RNF13: variants seen among roughly 807,000 people sequenced by gnomAD.
RNF13 encodes the protein ring finger protein 13.
RNF13 carries 19 observed loss-of-function variants against 37.7 expected under a neutral mutation model. The ratio of observed to expected loss-of-function variants is 0.50; its 90% confidence interval spans 0.35 to 0.74. The LOEUF (loss-of-function observed/expected upper bound fraction) is 0.74. RNF13 is among the 30% of genes least tolerant of loss of function. RNF13 has a pLI of 0.01. For synonymous variants in RNF13, 144 were observed against 157.8 expected, an observed-to-expected ratio of 0.91 and a Z score of 0.65; for missense variants, 375 against 453.0, an observed-to-expected ratio of 0.83 and a Z score of 1.56.
At chr3:149,886,779 C>T (rs1367191786) in intron 4 of RNF13, among the ~76,000 whole-genome samples, 1 of 152,154 alleles carries the variant, frequency 6.6e-6, no homozygotes, top group East Asian at 1.9e-4. Context: ...TATTTCTGTT[C>T]GTTGAGTACT....
intron 8 of RNF13, among the ~76,000 whole-genome samples, chr3:149,938,465 G>A (rs1044880113): frequency 2.0e-5 from 3 of 151,024 alleles, no homozygotes; most frequent in African/African-American, 7.3e-5. Context: ...GAGCCACCGT[G>A]CCTGGCCATA....
At chr3:149,906,368 G>A (rs950917867) in intron 6 of RNF13, among the ~76,000 whole-genome samples, 2 of 151,856 alleles carry the variant, frequency 1.3e-5, no homozygotes, top group African/African-American at 2.4e-5. Flanking sequence ...TGGAATTGTT[G>A]CATTATGTGG....
chr3:149,865,990 T>A (rs1037087178), intron 3 of RNF13, among the ~76,000 whole-genome samples: 3 of 152,150 alleles, frequency 2.0e-5, no homozygotes, highest in Middle Eastern at 3.2e-3. Flanking sequence ...GGTTGGCCAT[T>A]TTTATGATTA....
intron 8 of RNF13, among the ~76,000 whole-genome samples, chr3:149,935,544 C>T (rs1297773302): frequency 6.6e-6 from 1 of 151,574 alleles, no homozygotes; most frequent in Non-Finnish European, 1.5e-5. Flanking sequence ...TTTAGTGTTA[C>T]CTATTATAGG....
At chr3:149,946,815 C>T (rs1348244827) in intron 8 of RNF13, among the ~76,000 whole-genome samples, 2 of 152,116 alleles carry the variant, frequency 1.3e-5, no homozygotes, top group African/African-American at 4.8e-5. Context: ...TTTGTCTCTG[C>T]TGTAAGCTAG....
At position 149,852,520 on chromosome 3, in the gene RNF13, A is replaced by C; in HGVS notation, c.119A>C (p.Asn40Thr). 4 of 1,508,228 alleles carry C rather than the reference A, an allele frequency of 2.7e-6. No individual in the cohort carries two copies. The highest frequency in any genetic ancestry group is 3.6e-6 in the Non-Finnish European group (4 of 1,111,160). 93.4% of individuals were successfully genotyped at this position (1,508,228 alleles called of 1,614,324 possible). ...LPVEADILAY[N>T]FENASQTFDD... ...TATTTAAAATTTTATTTTTAGTATA[A>C]CTTTGAAAATGCATCTCAGACATTT... The change falls in exon 3 of 10, where the codon AAC becomes ACC. Residue 40 changes from asparagine (N) to threonine (T), a missense_variant. Physicochemically the swap from Asn to Thr is moderately conservative, Grantham distance 65. Coordinates refer to ENST00000392894, the MANE Select transcript of RNF13 (RefSeq NM_183381.3).
chr3:149,959,594 C>T (rs1485093108), intron 8 of RNF13, among the ~76,000 whole-genome samples: 2 of 152,208 alleles, frequency 1.3e-5, no homozygotes, highest in East Asian at 3.8e-4. Context: ...CCAAGCACCA[C>T]AGAATTTGGT....
intron 1 of RNF13, among the ~76,000 whole-genome samples, chr3:149,842,467 T>C (rs1415529147): frequency 6.6e-6 from 1 of 152,224 alleles, no homozygotes; most frequent in African/African-American, 2.4e-5. Flanking sequence ...TGGTCCTTCT[T>C]TTAGAGATAA....
chr3:149,916,964 A>G (rs555931297), intron 7 of RNF13, among the ~76,000 whole-genome samples: 1 of 152,288 alleles, frequency 6.6e-6, no homozygotes, highest in East Asian at 1.9e-4. Context: ...ACTTTTGATA[A>G]GGAAAATTCT....
At chr3:149,923,987 A>T (rs1186468991) in intron 8 of RNF13, among the ~76,000 whole-genome samples, 1 of 152,160 alleles carries the variant, frequency 6.6e-6, no homozygotes, top group African/African-American at 2.4e-5. Context: ...GAGAACAGAC[A>T]GGAAAGTTAT....
At chr3:149,888,890 T>A (rs1050784041) in intron 4 of RNF13, among the ~76,000 whole-genome samples, 1 of 152,182 alleles carries the variant, frequency 6.6e-6, no homozygotes, top group Non-Finnish European at 1.5e-5. Flanking sequence ...AATGTAACAA[T>A]GTGAATAGAT....
Position 149,957,222 on chromosome 3 carries a change from A to G in RNF13, c.701-2834A>G, listed in dbSNP as rs569475249. ...TATGAATCCACTGGCTGGATTTCCAAATTGCCATGGTACATGAAGCATTTT... is the reference window on the plus strand; with the variant it reads ...TATGAATCCACTGGCTGGATTTCCAGATTGCCATGGTACATGAAGCATTTT... On this transcript the variant is annotated intron_variant, in intron 8 of 9. Coordinates refer to ENST00000392894, the MANE Select transcript of RNF13 (RefSeq NM_183381.3). Among the ~76,000 whole-genome samples the G allele has an allele frequency of 3.6e-4, 55 of 152,278 alleles. 1 individual carries two copies. Among genetic ancestry groups the G allele is most frequent in the African/African-American group, 1.3e-3 (55 of 41,548 alleles).
intron 4 of RNF13, among the ~76,000 whole-genome samples, chr3:149,879,933 G>T (rs1175314276): frequency 6.6e-6 from 1 of 152,124 alleles, no homozygotes; most frequent in Non-Finnish European, 1.5e-5. Flanking sequence ...AAAACCCATG[G>T]ATATGTCTTT....
intron 3 of RNF13, among the ~76,000 whole-genome samples, chr3:149,861,083 G>A (rs1283971466): frequency 6.6e-6 from 1 of 151,992 alleles, no homozygotes; most frequent in African/African-American, 2.4e-5. Flanking sequence ...CAGTTAGGCT[G>A]ACTATCATTA....
chr3:149,827,440 G>A (rs552194244), intron 1 of RNF13, among the ~76,000 whole-genome samples: 74 of 152,046 alleles, frequency 4.9e-4, no homozygotes, highest in Non-Finnish European at 6.6e-4. Flanking sequence ...TTAATGTTAC[G>A]GTCTTAAATT....
At chr3:149,861,056 G>A (rs1201003814) in intron 3 of RNF13, among the ~76,000 whole-genome samples, 2 of 151,982 alleles carry the variant, frequency 1.3e-5, no homozygotes, top group South Asian at 2.1e-4. Context: ...AAACCACAGC[G>A]AGATAGCATC....
chr3:149,923,451 C>T (rs1290292758), intron 8 of RNF13, among the ~76,000 whole-genome samples: 1 of 151,852 alleles, frequency 6.6e-6, no homozygotes, highest in Non-Finnish European at 1.5e-5. Flanking sequence ...CTTTTTTAGG[C>T]TTCATTTTGT....
At chr3:149,832,609 AAAAAAATCTATGAAATTAAC>A (rs1721174676) in intron 1 of RNF13, among the ~76,000 whole-genome samples, 1 of 152,160 alleles carries the variant, frequency 6.6e-6, no homozygotes, top group Non-Finnish European at 1.5e-5. Flanking sequence ...TTGGTTTTTA[AAAAAAATCTATGAAATTAAC>A]AAATCTTTCA....
intron 1 of RNF13, among the ~76,000 whole-genome samples, chr3:149,831,610 G>A (rs1018882870): frequency 3.3e-5 from 5 of 152,156 alleles, no homozygotes; most frequent in Admixed American, 6.6e-5. Context: ...TAGGCGGAAC[G>A]GACTTACCTT....
Sources: allele counts gnomAD v4.1 joint callset (sites outside exome capture counted in the v4.1 genomes callset), GRCh38; gene constraint gnomAD v4.1.1; transcripts MANE v1.5; gene names NCBI Gene and HGNC (gene_info 2026-07-23, HGNC 2026-07-21).